CENPW: variants seen among roughly 807,000 people sequenced by gnomAD.
CENPW encodes the protein centromere protein W, also known as cancer-up-regulated gene 2 protein.
In CENPW, 3 loss-of-function variants were observed where a neutral mutation model predicts 11.1. That is an observed-to-expected ratio of 0.27 (90% confidence interval 0.12 to 0.70). CENPW has a LOEUF of 0.70. CENPW is among the 30% of genes least tolerant of loss of function. The pLI is 0.77. For missense variants in CENPW, 100 were observed against 105.6 expected (o/e 0.95, Z 0.23); for synonymous variants, 38 against 42.0 (o/e 0.91, Z 0.37).
At chr6:126,445,559 G>A in the CENPW span, among the ~76,000 whole-genome samples, 1 of 150,992 alleles carries the variant, frequency 6.6e-6, no homozygotes, top group Admixed American at 6.6e-5. Context: ...GCTTTTTTGA[G>A]ATCTTTGCCA....
intron 1 of CENPW, among the ~76,000 whole-genome samples, chr6:126,341,237 C>T (rs961869033): frequency 6.6e-6 from 1 of 152,140 alleles, no homozygotes. Flanking sequence ...AGGTTTAAAC[C>T]ACTGGAGGCA....
chr6:126,405,071 AAATGTCC>A, the CENPW span, among the ~76,000 whole-genome samples: 2 of 152,146 alleles, frequency 1.3e-5, no homozygotes, highest in South Asian at 4.1e-4. Flanking sequence ...ATAAGACATT[AAATGTCC>A]AATGTCCAAT....
the CENPW span, among the ~76,000 whole-genome samples, chr6:126,438,310 A>C: frequency 2.0e-5 from 3 of 151,770 alleles, no homozygotes; most frequent in African/African-American, 7.2e-5. Context: ...ATTTGGATAC[A>C]AACCTTAAAT....
the CENPW span, among the ~76,000 whole-genome samples, chr6:126,474,587 T>A: frequency 2.0e-5 from 3 of 152,290 alleles, no homozygotes; most frequent in East Asian, 5.8e-4. Flanking sequence ...CAATTATCTC[T>A]CCTAGGTTCT....
At chr6:126,427,115 T>G in the CENPW span, among the ~76,000 whole-genome samples, 1 of 152,172 alleles carries the variant, frequency 6.6e-6, no homozygotes, top group Admixed American at 6.6e-5. Context: ...AGGGTTCCTG[T>G]GTGGCATAAC....
At chr6:126,380,021 A>G in the CENPW span, among the ~76,000 whole-genome samples, 1 of 152,166 alleles carries the variant, frequency 6.6e-6, no homozygotes, top group Non-Finnish European at 1.5e-5. Flanking sequence ...ACCAGTTCCA[A>G]ATTACCCATC....
At chr6:126,391,049 CTG>C in the CENPW span, among the ~76,000 whole-genome samples, 1,966 of 152,060 alleles carry the variant, frequency 0.013, 42 homozygotes, top group African/African-American at 0.044. Flanking sequence ...AACCTCCAAA[CTG>C]TTCTCCATAG....
the CENPW span, among the ~76,000 whole-genome samples, chr6:126,395,544 C>T: frequency 6.6e-6 from 1 of 152,170 alleles, no homozygotes. Flanking sequence ...TCTTTGGTGC[C>T]TTATTTAGTT....
chr6:126,455,100 CCCAGGA>C, the CENPW span, among the ~76,000 whole-genome samples: 4 of 150,958 alleles, frequency 2.6e-5, no homozygotes, highest in East Asian at 7.8e-4. Flanking sequence ...CCAGAAAAAC[CCCAGGA>C]CCAAATGGAT....
At chr6:126,393,533 T>C in the CENPW span, among the ~76,000 whole-genome samples, 1 of 151,670 alleles carries the variant, frequency 6.6e-6, no homozygotes, top group Non-Finnish European at 1.5e-5. Context: ...AATTCCTTCA[T>C]TGACTGACTC....
chr6:126,359,796 TA>T, the CENPW span, among the ~76,000 whole-genome samples: 4 of 152,066 alleles, frequency 2.6e-5, no homozygotes, highest in Non-Finnish European at 5.9e-5. Flanking sequence ...GAACTTTCTT[TA>T]TCCCTTTATT....
chr6:126,368,143 C>G, the CENPW span, among the ~76,000 whole-genome samples: 2 of 152,316 alleles, frequency 1.3e-5, no homozygotes, highest in South Asian at 4.1e-4. Context: ...GTGCCTATCC[C>G]TCTAGTTGAA....
the CENPW span, among the ~76,000 whole-genome samples, chr6:126,447,895 G>C: frequency 6.6e-6 from 1 of 151,242 alleles, no homozygotes; most frequent in Non-Finnish European, 1.5e-5. Context: ...TCCATTCACT[G>C]TTCCACTTCT....
the CENPW span, among the ~76,000 whole-genome samples, chr6:126,448,454 A>G: frequency 6.6e-6 from 1 of 151,126 alleles, no homozygotes; most frequent in Non-Finnish European, 1.5e-5. Context: ...GTTGGAGAAC[A>G]TGTGCACTAA....
At chr6:126,433,298 C>A in the CENPW span, among the ~76,000 whole-genome samples, 13 of 152,028 alleles carry the variant, frequency 8.6e-5, no homozygotes, top group Non-Finnish European at 1.6e-4. Context: ...ATATATTAGG[C>A]CTTGTGCTAG....
intron 1 of CENPW, among the ~76,000 whole-genome samples, chr6:126,345,401 T>C (rs980512277): frequency 6.6e-5 from 10 of 152,066 alleles, no homozygotes; most frequent in Admixed American, 5.2e-4. Flanking sequence ...GGAATATACT[T>C]ATTTTTGATA....
chr6:126,400,935 T>A, the CENPW span, among the ~76,000 whole-genome samples: 1 of 152,118 alleles, frequency 6.6e-6, no homozygotes, highest in South Asian at 2.1e-4. Flanking sequence ...GGTGTGAATA[T>A]CTGATATTGT....
At chr6:126,393,900 G>C in the CENPW span, among the ~76,000 whole-genome samples, 2 of 151,218 alleles carry the variant, frequency 1.3e-5, no homozygotes, top group African/African-American at 4.8e-5. Flanking sequence ...TTGTCTCTTT[G>C]TGTACTTTTC....
Position 126,348,459 on chromosome 6 carries a change from C to G in CENPW, c.241-7C>G, listed in dbSNP as rs749624023. ...TAATATGAATCTTATTTTTTTCCCTCTTACAGGTAATTCTAAAGAAGAGCA... is the reference window on the plus strand; with the variant it reads ...TAATATGAATCTTATTTTTTTCCCTGTTACAGGTAATTCTAAAGAAGAGCA... On this transcript the variant is annotated splice_polypyrimidine_tract_variant and splice_region_variant and intron_variant, in intron 2 of 2. Transcript: ENST00000368328. 7.4e-7 allele frequency: 1 copy of G among 1,342,728 alleles called. No individual in the cohort carries two copies. The highest frequency in any genetic ancestry group is 1.7e-5 in the Admixed American group (1 of 57,586). The allele number at this position is 1,342,728 out of a possible 1,614,324, so 83.2% of individuals were successfully genotyped here.
Sources: gnomAD v4.1 joint callset for allele counts (sites outside exome capture counted in the v4.1 genomes callset) on GRCh38, gnomAD v4.1.1 for gene constraint, MANE v1.5 for transcripts, NCBI Gene and HGNC (gene_info 2026-07-23, HGNC 2026-07-21) for gene names.